Variants in TBC1D9 observed in about 807,000 individuals in gnomAD.
The protein encoded by TBC1D9 is TBC1 domain family member 9A.
A neutral mutation model predicts 132.0 loss-of-function variants in TBC1D9; 63 were observed. The ratio of observed to expected loss-of-function variants is 0.48; its 90% CI spans 0.39 to 0.59. TBC1D9 has a LOEUF of 0.59. TBC1D9 is among the 20% of genes least tolerant of loss of function. The pLI, the probability that TBC1D9 is intolerant of heterozygous loss-of-function variation, is 0.00. For missense variants in TBC1D9, 1,261 were observed against 1,592.7 expected, an observed-to-expected ratio of 0.79 and a Z score of 3.54; for synonymous variants, 610 against 609.9, an observed-to-expected ratio of 1.00 and a Z score of 0.00.
intron 5 of TBC1D9, 148 bp downstream of exon 5, chr4:140,678,794 A>T: frequency 1.1e-6 from 1 of 933,364 alleles, no homozygotes; most frequent in Non-Finnish European, 1.6e-6. Flanking sequence ...AACTGGTAGC[A>T]CCTCAGCTAG....
intron 13 of TBC1D9, chr4:140,642,575 T>G: frequency 1.0e-6 from 1 of 974,502 alleles, no homozygotes; most frequent in South Asian, 1.5e-5. Context: ...GCTTGCCAAC[T>G]GCTCCTGGTC....
At chr4:140,625,186 ATT>A (rs964887621) in intron 18 of TBC1D9, among the ~76,000 whole-genome samples, 2 of 151,924 alleles carry the variant, frequency 1.3e-5, no homozygotes, top group Admixed American at 1.3e-4. Context: ...TATGAGACAG[ATT>A]TTTTTTGCCA....
At chr4:140,679,276 C>T (rs1234093913) in intron 4 of TBC1D9, 73 bp from the exon 5 acceptor site, 10 of 1,472,834 alleles carry the variant, frequency 6.8e-6, no homozygotes, top group Non-Finnish European at 1.8e-6. Context: ...AGTCTCACAA[C>T]CCCACTCCCC....
intron 2 of TBC1D9, among the ~76,000 whole-genome samples, chr4:140,696,831 T>A (rs1737967472): frequency 1.3e-5 from 2 of 152,218 alleles, no homozygotes; most frequent in South Asian, 4.1e-4. Context: ...AGGCAGTGAT[T>A]TAGACTTACC....
chr4:140,641,450 G>A (rs1290076232), intron 13 of TBC1D9, among the ~76,000 whole-genome samples: 1 of 152,146 alleles, frequency 6.6e-6, no homozygotes, highest in African/African-American at 2.4e-5. Flanking sequence ...AACTCAGTAT[G>A]TTTAATAAAG....
chr4:140,740,808 T>G (rs1738747649), intron 1 of TBC1D9, among the ~76,000 whole-genome samples: 1 of 152,210 alleles, frequency 6.6e-6, no homozygotes. Flanking sequence ...TTCATCCAAA[T>G]GAAAGTTCCT....
chr4:140,747,467 A>T (rs1453441869), intron 1 of TBC1D9, among the ~76,000 whole-genome samples: 1 of 152,206 alleles, frequency 6.6e-6, no homozygotes, highest in African/African-American at 2.4e-5. Flanking sequence ...CATACTGAGG[A>T]TAATAATAGC....
chr4:140,709,158 C>A (rs1738190914), intron 1 of TBC1D9, among the ~76,000 whole-genome samples: 1 of 150,996 alleles, frequency 6.6e-6, no homozygotes, highest in South Asian at 2.1e-4. Flanking sequence ...ATTCTAGCTG[C>A]CCCTGTATCA....
At chr4:140,630,306 A>G (rs1736775012) in intron 16 of TBC1D9, among the ~76,000 whole-genome samples, 1 of 152,246 alleles carries the variant, frequency 6.6e-6, no homozygotes, top group Non-Finnish European at 1.5e-5. Context: ...AAAAACAGCA[A>G]TCATGTAGTT....
At chr4:140,644,001 G>A (rs1309999434) in intron 13 of TBC1D9, 2 of 524,890 alleles carry the variant, frequency 3.8e-6, no homozygotes, top group Non-Finnish European at 7.2e-6. Context: ...CTCCCGCAGC[G>A]GCTCTGGGAT....
At chr4:140,644,859 C>T (rs145331931) in intron 13 of TBC1D9, 209 of 427,592 alleles carry the variant, frequency 4.9e-4, no homozygotes, top group African/African-American at 3.8e-3. Context: ...ACAGCTGGCC[C>T]GACTGGGAGT....
chr4:140,687,667 G>C (rs1038415379), intron 2 of TBC1D9, among the ~76,000 whole-genome samples: 26 of 151,748 alleles, frequency 1.7e-4, no homozygotes, highest in African/African-American at 5.3e-4. Flanking sequence ...AGAAATTCAG[G>C]AGAGAGAGAG....
At position 140,635,784 on chromosome 4, in the gene TBC1D9, C is replaced by T. The variant is rs147824811; in HGVS notation, c.2506-1596G>A. On this transcript the variant is annotated intron_variant, in intron 15 of 20. Transcript: ENST00000442267. ...GAATAAAGGAAACTGTGTCAAAGTTCCGTGGGCTTTGGGACTGCATTCCTG... is the reference window on the plus strand; with the variant it reads ...GAATAAAGGAAACTGTGTCAAAGTTTCGTGGGCTTTGGGACTGCATTCCTG... 2.5e-3 allele frequency among the ~76,000 whole-genome samples: 375 copies of T among 152,204 alleles called. 1 individual carries two copies. Among genetic ancestry groups the T allele is most frequent in the Middle Eastern group, 6.8e-3 (2 of 294 alleles).
At chr4:140,732,458 T>G (rs746632411) in intron 1 of TBC1D9, among the ~76,000 whole-genome samples, 10 of 152,230 alleles carry the variant, frequency 6.6e-5, no homozygotes, top group Non-Finnish European at 1.3e-4. Context: ...TCAAATATAA[T>G]TACAAGAAGA....
At position 140,639,814 on chromosome 4, in the gene TBC1D9, G is replaced by C. The variant is rs540934164; in HGVS notation, c.2338-386C>G. On this transcript the variant is annotated intron_variant, in intron 13 of 20. Coordinates refer to ENST00000442267, the MANE Select transcript of TBC1D9 (RefSeq NM_015130.3). ...GGAAGAAACCTCCAACCCTGTGTGA[G>C]TCTCCCTGCTCCTGACCAGTAGGTT... Among the ~76,000 whole-genome samples, 65 of 152,286 alleles carry C rather than the reference G, an allele frequency of 4.3e-4. No individual in the cohort carries two copies. In the South Asian group the frequency reaches 0.013, roughly 30 times the overall value.
chr4:140,645,136 C>T (rs374266078), intron 13 of TBC1D9: 43 of 563,704 alleles, frequency 7.6e-5, no homozygotes, highest in African/African-American at 1.3e-4. Flanking sequence ...GTAGGGTGCA[C>T]GTGGGCCAGG....
intron 1 of TBC1D9, among the ~76,000 whole-genome samples, chr4:140,746,532 TGA>T (rs910720255): frequency 2.6e-5 from 4 of 152,166 alleles, no homozygotes; most frequent in African/African-American, 9.7e-5. Flanking sequence ...AAGACATATC[TGA>T]GAGGGGGCAA....
intron 17 of TBC1D9, 55 bp from the exon 18 acceptor site, chr4:140,627,582 AG>A: frequency 9.2e-7 from 1 of 1,092,640 alleles, no homozygotes; most frequent in Non-Finnish European, 1.4e-6. Context: ...ATCCAGTGAA[AG>A]TATGCTTAAT....
At chr4:140,644,338 GGT>G (rs1737063308) in intron 13 of TBC1D9, 3 of 278,538 alleles carry the variant, frequency 1.1e-5, no homozygotes, top group Non-Finnish European at 2.2e-5. Flanking sequence ...AGGCTGGTGG[GGT>G]GGGAGCTAGG....
Sources: allele counts gnomAD v4.1 joint callset (sites outside exome capture counted in the v4.1 genomes callset), GRCh38; gene constraint gnomAD v4.1.1; transcripts MANE v1.5; gene names NCBI Gene and HGNC (gene_info 2026-07-23, HGNC 2026-07-21).